DAB1: variants seen among roughly 807,000 people sequenced by gnomAD.
The protein encoded by DAB1 is DAB adaptor protein 1, also known as disabled homolog 1.
DAB1 carries 15 observed loss-of-function variants against 64.6 expected under a neutral mutation model. The observed-to-expected ratio is 0.23, with a 90% CI of 0.16 to 0.36. The LOEUF (loss-of-function observed/expected upper bound fraction) is 0.36. Among genes scored for constraint, DAB1 ranks in the 10% least tolerant of loss-of-function variants. The pLI, the probability that DAB1 is intolerant of heterozygous loss-of-function variation, is 1.00. For missense variants in DAB1, 596 were observed against 706.7 expected (o/e 0.84, Z 1.78); for synonymous variants, 235 against 251.9 (o/e 0.93, Z 0.64).
At chr1:57,937,242 A>G (rs1024079813) in intron 5 of DAB1, among the ~76,000 whole-genome samples, 4 of 152,020 alleles carry the variant, frequency 2.6e-5, no homozygotes, top group Non-Finnish European at 5.9e-5. Flanking sequence ...AAGGGACCCA[A>G]CGGGATTCCT....
intron 4 of DAB1, among the ~76,000 whole-genome samples, chr1:57,085,377 T>A (rs901926013): frequency 6.6e-6 from 1 of 152,204 alleles, no homozygotes; most frequent in Non-Finnish European, 1.5e-5. Flanking sequence ...TGAGGGCAGA[T>A]GTGAAGAAGC....
chr1:57,717,427 AT>A (rs1343532143), intron 6 of DAB1, among the ~76,000 whole-genome samples: 1 of 152,092 alleles, frequency 6.6e-6, no homozygotes, highest in Non-Finnish European at 1.5e-5. Context: ...AACAAATGCC[AT>A]TGAGGATGTA....
intron 3 of DAB1, among the ~76,000 whole-genome samples, chr1:58,360,044 C>T (rs1340462231): frequency 1.3e-5 from 2 of 152,126 alleles, no homozygotes; most frequent in African/African-American, 4.8e-5. Context: ...CTACCATTCA[C>T]CAGACATGGT....
At chr1:58,478,052 T>C (rs1645436289) in intron 3 of DAB1, among the ~76,000 whole-genome samples, 1 of 152,172 alleles carries the variant, frequency 6.6e-6, no homozygotes. Context: ...GGTTTGACTC[T>C]GTGTCCCCAC....
At position 57,371,545 on chromosome 1, in the gene DAB1, T is replaced by G. The variant is rs1324080968; in HGVS notation, c.-137+52385A>C. Among the ~76,000 whole-genome samples the G allele has an allele frequency of 3.3e-5, 5 of 152,320 alleles. No homozygotes were observed. In the South Asian group the frequency reaches 6.2e-4, roughly 19 times the overall value. On this transcript the variant is annotated intron_variant, in intron 1 of 14. Coordinates refer to ENST00000371236, the MANE Select transcript of DAB1 (RefSeq NM_001365792.1). The stretch of plus-strand genomic sequence containing the variant: ...AGCGTCTAATGACAGGTGATTTATT[T>G]CTCTTATTCACCCACTCAATATTTA...
chr1:57,439,418 G>GTTTTTTTTTTTT, intron 7 of DAB1, among the ~76,000 whole-genome samples: 1,311 of 115,738 alleles, frequency 0.011, 155 homozygotes, highest in Non-Finnish European at 0.016. Context: ...TGGTGATGAG[G>GTTTTTTTTTTTT]TTTTTTCTTT....
chr1:57,020,177 G>C (rs1470407461), intron 11 of DAB1, among the ~76,000 whole-genome samples: 5 of 152,132 alleles, frequency 3.3e-5, no homozygotes, highest in African/African-American at 1.2e-4. Context: ...CAAGCCTCTG[G>C]GGTGAGTGTG....
chr1:57,558,773 T>C (rs1645018409), intron 7 of DAB1, among the ~76,000 whole-genome samples: 1 of 152,138 alleles, frequency 6.6e-6, no homozygotes, highest in African/African-American at 2.4e-5. Flanking sequence ...GTGAGTGAGA[T>C]GGAAATACCT....
intron 1 of DAB1, among the ~76,000 whole-genome samples, chr1:57,844,960 C>G (rs1386464252): frequency 6.6e-6 from 1 of 152,148 alleles, no homozygotes; most frequent in Non-Finnish European, 1.5e-5. Context: ...CTTTACCACC[C>G]CTTACTTGAT....
At chr1:58,405,449 T>C (rs569163040) in intron 3 of DAB1, among the ~76,000 whole-genome samples, 4 of 152,300 alleles carry the variant, frequency 2.6e-5, no homozygotes, top group African/African-American at 9.6e-5. Context: ...CACTGCAGCC[T>C]CAACCTCCTA....
chr1:58,035,431 A>G (rs924799437), intron 5 of DAB1, among the ~76,000 whole-genome samples: 2 of 152,242 alleles, frequency 1.3e-5, no homozygotes, highest in African/African-American at 4.8e-5. Context: ...AGATGTCATC[A>G]GGCAGTTAGC....
At chr1:57,230,547 TC>T (rs1667597666) in intron 2 of DAB1, among the ~76,000 whole-genome samples, 1 of 152,198 alleles carries the variant, frequency 6.6e-6, no homozygotes, top group Non-Finnish European at 1.5e-5. Flanking sequence ...AAAAAAGATT[TC>T]TGAAGTGAAC....
At chr1:57,570,919 G>A (rs1171565898) in intron 7 of DAB1, among the ~76,000 whole-genome samples, 8 of 152,176 alleles carry the variant, frequency 5.3e-5, no homozygotes, top group African/African-American at 1.9e-4. Flanking sequence ...TCACCTCCTT[G>A]GTTAGGTATA....
chr1:57,345,593 T>G (rs1339825157), intron 1 of DAB1, among the ~76,000 whole-genome samples: 2 of 152,186 alleles, frequency 1.3e-5, no homozygotes, highest in African/African-American at 4.8e-5. Context: ...CTCGGTTATT[T>G]GACTCAGAAA....
chr1:57,907,610 T>G (rs936217261), intron 5 of DAB1, among the ~76,000 whole-genome samples: 2 of 152,120 alleles, frequency 1.3e-5, no homozygotes, highest in African/African-American at 2.4e-5. Flanking sequence ...ATAGTAGTGA[T>G]GAGAAATCTG....
At chr1:58,533,350 GT>G (rs1646466026) in intron 1 of DAB1, among the ~76,000 whole-genome samples, 1 of 152,116 alleles carries the variant, frequency 6.6e-6, no homozygotes, top group African/African-American at 2.4e-5. Context: ...TCATGTTACT[GT>G]TTTTCTAAAC....
chr1:57,789,361 T>C (rs996709880), intron 6 of DAB1, among the ~76,000 whole-genome samples: 5 of 152,182 alleles, frequency 3.3e-5, no homozygotes, highest in Middle Eastern at 3.2e-3. Context: ...AATCAGCCTG[T>C]CTTAGTCAGC....
chr1:57,518,366 A>G (rs1341809880), intron 7 of DAB1, among the ~76,000 whole-genome samples: 1 of 152,152 alleles, frequency 6.6e-6, no homozygotes, highest in Non-Finnish European at 1.5e-5. Context: ...CTTATCACTC[A>G]AATCTCAACT....
intron 5 of DAB1, among the ~76,000 whole-genome samples, chr1:57,992,983 A>G (rs895157770): frequency 6.6e-6 from 1 of 152,164 alleles, no homozygotes; most frequent in East Asian, 1.9e-4. Flanking sequence ...CCGCACAGCT[A>G]TGTAAATCTC....
Sources: gnomAD v4.1 joint callset for allele counts (sites outside exome capture counted in the v4.1 genomes callset) on GRCh38, gnomAD v4.1.1 for gene constraint, MANE v1.5 for transcripts, NCBI Gene and HGNC (gene_info 2026-07-23, HGNC 2026-07-21) for gene names.